The following KCTD20 variants were observed in gnomAD, a reference collection of about 807,000 sequenced individuals.
KCTD20 encodes the protein potassium channel tetramerization domain containing 20, also known as BTB/POZ domain-containing protein KCTD20.
A neutral mutation model predicts 39.6 loss-of-function variants in KCTD20; 30 were observed. That is an observed-to-expected ratio of 0.76 (90% CI 0.57 to 1.03). The LOEUF (loss-of-function observed/expected upper bound fraction) is 1.03. Among genes scored for constraint, KCTD20 ranks in the 50% least tolerant of loss-of-function variants. The pLI, the probability that KCTD20 is intolerant of heterozygous loss-of-function variation, is 0.00. For missense variants in KCTD20, 422 were observed against 522.0 expected (o/e 0.81, Z 1.87); for synonymous variants, 162 against 180.6 (o/e 0.90, Z 0.83).
chr6:36,481,403 T>TA (rs969320676), intron 5 of KCTD20, among the ~76,000 whole-genome samples, 159 bp from the exon 6 acceptor site: 24 of 152,322 alleles, frequency 1.6e-4, no homozygotes, highest in African/African-American at 5.8e-4. Context: ...TAACAAAGCT[T>TA]AATTATCACC....
At chr6:36,447,271 G>A (rs1775076292) in intron 1 of KCTD20, among the ~76,000 whole-genome samples, 1 of 152,146 alleles carries the variant, frequency 6.6e-6, no homozygotes, top group African/African-American at 2.4e-5. Flanking sequence ...TTCATGTAAA[G>A]TTCATAGAAC....
intron 2 of KCTD20, among the ~76,000 whole-genome samples, chr6:36,471,604 G>C (rs967774335): frequency 1.3e-5 from 2 of 152,126 alleles, no homozygotes; most frequent in Non-Finnish European, 2.9e-5. Flanking sequence ...CACATTGCTA[G>C]GAGGTAGTGA....
chr6:36,477,054 G>GT (rs1776084225), intron 3 of KCTD20, among the ~76,000 whole-genome samples: 1 of 152,180 alleles, frequency 6.6e-6, no homozygotes, highest in Admixed American at 6.5e-5. Flanking sequence ...GGAGAGTCTG[G>GT]TTCTTTATCT....
At chr6:36,451,572 T>C (rs1775256774) in intron 1 of KCTD20, 1 of 152,236 alleles carries the variant, frequency 6.6e-6, no homozygotes, top group African/African-American at 2.4e-5. Context: ...CACTGCAGCT[T>C]TGACCTCCGG....
chr6:36,476,767 A>C (rs548476538), intron 3 of KCTD20, among the ~76,000 whole-genome samples: 84 of 152,322 alleles, frequency 5.5e-4, no homozygotes, highest in African/African-American at 1.7e-3. Flanking sequence ...ACCTGTCTAC[A>C]TATTTCTTAA....
intron 1 of KCTD20, among the ~76,000 whole-genome samples, chr6:36,462,801 C>T (rs1415233242): frequency 6.6e-6 from 1 of 152,226 alleles, no homozygotes; most frequent in Non-Finnish European, 1.5e-5. Flanking sequence ...TACTACCTCA[C>T]TCCTAGACAA....
At chr6:36,459,462 T>C (rs1775539964) in intron 1 of KCTD20, among the ~76,000 whole-genome samples, 2 of 152,270 alleles carry the variant, frequency 1.3e-5, no homozygotes, top group East Asian at 3.8e-4. Flanking sequence ...ATAGTGCTGC[T>C]TTTTCTTAAA....
intron 2 of KCTD20, among the ~76,000 whole-genome samples, 158 bp from the exon 3 acceptor site, chr6:36,474,628 TTGC>T (rs1776007872): frequency 6.6e-6 from 1 of 152,230 alleles, no homozygotes. Context: ...TTTTGTTTGC[TTGC>T]TTTTTACTTG....
intron 1 of KCTD20, among the ~76,000 whole-genome samples, chr6:36,460,089 T>A (rs189985708): frequency 6.6e-6 from 1 of 152,294 alleles, no homozygotes; most frequent in African/African-American, 2.4e-5. Context: ...CTGAAGACCT[T>A]ACCCTGGAAA....
Position 36,487,170 on chromosome 6 carries a change from G to A in KCTD20, c.1255G>A (p.Asp419Asn). The A allele has an allele frequency of 6.2e-7, 1 of 1,611,500 alleles. No individual in the cohort carries two copies. Among genetic ancestry groups the A allele is most frequent in the Non-Finnish European group, 8.5e-7 (1 of 1,178,326 alleles). ...TCAGATGGCTTCTAACGACTTTCAG[G>A]ATTAGGGCCAGCTGTGGGTCTACTC... is the stretch of plus-strand genomic sequence containing the variant. Reference protein sequence around the residue: ...LSQMASNDFQD With the variant: ...LSQMASNDFQN The change falls in exon 8 of 8, where the codon GAT becomes AAT. Residue 419 changes from aspartate to asparagine, a missense_variant. Coordinates refer to ENST00000373731, the MANE Select transcript of KCTD20 (RefSeq NM_173562.5).
intron 2 of KCTD20, among the ~76,000 whole-genome samples, chr6:36,471,163 A>AG (rs1243211012): frequency 6.6e-6 from 1 of 151,890 alleles, no homozygotes; most frequent in Non-Finnish European, 1.5e-5. Context: ...AAAAAAAAAA[A>AG]AAAATTCTCC....
intron 1 of KCTD20, among the ~76,000 whole-genome samples, chr6:36,444,421 A>G (rs952125967): frequency 6.6e-6 from 1 of 152,212 alleles, no homozygotes; most frequent in Admixed American, 6.5e-5. Context: ...AATGATTTTC[A>G]TGCATATTCC....
intron 6 of KCTD20, among the ~76,000 whole-genome samples, chr6:36,482,415 T>C (rs1776277965): frequency 6.6e-6 from 1 of 151,868 alleles, no homozygotes; most frequent in East Asian, 1.9e-4. Context: ...AAGCCAGGCA[T>C]GGTGGCGTGC....
intron 2 of KCTD20, among the ~76,000 whole-genome samples, chr6:36,470,823 C>A (rs1235004046): frequency 6.6e-6 from 1 of 152,054 alleles, no homozygotes; most frequent in Non-Finnish European, 1.5e-5. Flanking sequence ...GCTGGCAAGC[C>A]TCACTTTCTT....
intron 3 of KCTD20, among the ~76,000 whole-genome samples, chr6:36,475,612 T>G (rs565944992): frequency 2.6e-5 from 4 of 152,236 alleles, no homozygotes; most frequent in African/African-American, 9.6e-5. Flanking sequence ...AAATAAAATC[T>G]ATTTGGAAAC....
intron 1 of KCTD20, among the ~76,000 whole-genome samples, chr6:36,445,145 C>T (rs989968565): frequency 6.6e-6 from 1 of 151,700 alleles, no homozygotes; most frequent in Non-Finnish European, 1.5e-5. Context: ...ACCTGTAATC[C>T]CAGCTACACG....
intron 6 of KCTD20, among the ~76,000 whole-genome samples, chr6:36,483,645 C>G (rs1002718282): frequency 2.0e-5 from 3 of 151,994 alleles, no homozygotes; most frequent in Admixed American, 6.6e-5. Context: ...CTCCAAGTAG[C>G]CTGGGCTGCA....
At chr6:36,473,727 C>T (rs1198682038) in intron 2 of KCTD20, among the ~76,000 whole-genome samples, 1 of 151,754 alleles carries the variant, frequency 6.6e-6, no homozygotes. Context: ...GAGCTGAGAT[C>T]GCGCCACTGC....
intron 7 of KCTD20, among the ~76,000 whole-genome samples, chr6:36,485,876 G>A (rs915754083): frequency 6.6e-6 from 1 of 151,878 alleles, no homozygotes; most frequent in African/African-American, 2.4e-5. Flanking sequence ...AAGCTTCACT[G>A]TGTCTGACTT....
Sources: gnomAD v4.1 joint callset for allele counts (sites outside exome capture counted in the v4.1 genomes callset) on GRCh38, gnomAD v4.1.1 for gene constraint, MANE v1.5 for transcripts, NCBI Gene and HGNC (gene_info 2026-07-23, HGNC 2026-07-21) for gene names.